Variants in LARGE1 observed in about 807,000 individuals in gnomAD.
LARGE1 encodes xylosyl- and glucuronyltransferase LARGE1.
A neutral mutation model predicts 87.6 loss-of-function variants in LARGE1; 43 were observed. The ratio of observed to expected loss-of-function variants is 0.49; its 90% CI spans 0.38 to 0.63. LARGE1 has a LOEUF of 0.63. Ranked by LOEUF, LARGE1 falls within the 30% of genes least tolerant of loss-of-function variation. The pLI, the probability that LARGE1 is intolerant of heterozygous loss-of-function variation, is 0.00. For synonymous variants in LARGE1, 434 were observed against 394.6 expected (o/e 1.10, Z -1.18); for missense variants, 802 against 1,000.2 (o/e 0.80, Z 2.67).
At chr22:33,217,061 G>A (rs1157723732) in intron 11 of LARGE1, among the ~76,000 whole-genome samples, 2 of 152,184 alleles carry the variant, frequency 1.3e-5, no homozygotes, top group African/African-American at 4.8e-5. Context: ...ACTCTTTCAT[G>A]AAGGCTAATC....
chr22:33,722,902 G>A (rs888437536), intron 2 of LARGE1, among the ~76,000 whole-genome samples: 1 of 152,168 alleles, frequency 6.6e-6, no homozygotes, highest in Non-Finnish European at 1.5e-5. Context: ...AGTTGAGGTC[G>A]GAGCTTGGGG....
At chr22:33,338,376 C>T (rs574875811) in intron 9 of LARGE1, among the ~76,000 whole-genome samples, 2 of 152,164 alleles carry the variant, frequency 1.3e-5, no homozygotes, top group Non-Finnish European at 1.5e-5. Flanking sequence ...GCTGTCCCTA[C>T]TTCTCGGCCC....
intron 6 of LARGE1, among the ~76,000 whole-genome samples, chr22:33,556,516 A>AGGGAGGGAGGG (rs2077681867): frequency 1.5e-4 from 12 of 78,988 alleles, no homozygotes; most frequent in African/African-American, 5.4e-4. Context: ...AGAAGGAAGG[A>AGGGAGGGAGGG]AGGGAGGGAG....
intron 1 of LARGE1, among the ~76,000 whole-genome samples, chr22:33,849,981 G>C (rs2063542563): frequency 6.6e-6 from 1 of 152,186 alleles, no homozygotes; most frequent in Non-Finnish European, 1.5e-5. Flanking sequence ...CAAAGGGATG[G>C]AGAGATTAAA....
At position 33,604,487 on chromosome 22, in the gene LARGE1, G is replaced by C. The variant is rs1203321735; in HGVS notation, c.563C>G (p.Thr188Ser). Residue 188 changes from threonine (T) to serine (S), a missense_variant, in exon 5 of 15, where the codon ACC (threonine) becomes AGC (serine). By Grantham distance (58) the Thr-to-Ser change is moderately conservative. Transcript: ENST00000397394. ...AEQILATLFQTWMVPAVRVDF... is the reference protein window; with the variant it reads ...AEQILATLFQSWMVPAVRVDF... ...CACACGCACAGCGGGCACCATCCAG[G>C]TCTGGAAGAGCGTGGCCAGGATCTG... 1 of 1,614,102 alleles carries C rather than the reference G, an allele frequency of 6.2e-7. No individual in the cohort carries two copies. Among genetic ancestry groups the C allele is most frequent in the African/African-American group, 1.3e-5 (1 of 75,034 alleles).
At position 33,381,952 on chromosome 22, in the gene LARGE1, G is replaced by C. The variant is rs770224674; in HGVS notation, c.1098C>G (p.Ser366=). The C allele has an allele frequency of 9.3e-6, 15 of 1,614,102 alleles. No individual in the cohort carries two copies. Among genetic ancestry groups the C allele is most frequent in the Middle Eastern group, 3.3e-4 (2 of 6,058 alleles). Residue 366 remains serine (S), a synonymous_variant, in exon 9 of 15, where the codon TCC becomes TCG. Transcript: ENST00000397394. ...WNVQLSDHTR[S]EQCYRDVSDL... is the part of the protein sequence containing the mutation. Reference sequence around the variant, plus strand: ...CAGACACGTCTCTGTAGCACTGCTCGGAGCGGGTGTGGTCTGACAGCTGCA... The same window carrying C: ...CAGACACGTCTCTGTAGCACTGCTCCGAGCGGGTGTGGTCTGACAGCTGCA...
intron 1 of LARGE1, among the ~76,000 whole-genome samples, chr22:33,831,822 G>A (rs563229660): frequency 5.9e-5 from 9 of 151,602 alleles, no homozygotes; most frequent in East Asian, 3.9e-4. Context: ...AGAGGATAAC[G>A]TTCAAGCTGC....
At chr22:33,195,643 A>C (rs907461619) in intron 11 of LARGE1, among the ~76,000 whole-genome samples, 15 of 152,196 alleles carry the variant, frequency 9.9e-5, no homozygotes, top group Admixed American at 9.2e-4. Flanking sequence ...AAATGCAAAT[A>C]TATCAAAATC....
intron 11 of LARGE1, among the ~76,000 whole-genome samples, chr22:33,178,137 T>G (rs1004194304): frequency 1.3e-5 from 2 of 152,184 alleles, no homozygotes; most frequent in African/African-American, 2.4e-5. Context: ...GACTAATACA[T>G]CACTTTTATT....
chr22:33,568,470 A>G (rs2078093735), intron 5 of LARGE1, among the ~76,000 whole-genome samples: 1 of 152,166 alleles, frequency 6.6e-6, no homozygotes, highest in Admixed American at 6.5e-5. Context: ...CAACAAAATC[A>G]AAGCACAATG....
At chr22:33,456,876 G>T (rs2068151625) in intron 6 of LARGE1, among the ~76,000 whole-genome samples, 1 of 152,194 alleles carries the variant, frequency 6.6e-6, no homozygotes, top group African/African-American at 2.4e-5. Flanking sequence ...CCTGGACTGG[G>T]AACAGGAGAT....
At chr22:33,696,697 C>G (rs1198385243) in intron 2 of LARGE1, among the ~76,000 whole-genome samples, 2 of 152,154 alleles carry the variant, frequency 1.3e-5, no homozygotes, top group African/African-American at 2.4e-5. Flanking sequence ...TTTAGCCATG[C>G]TGGTGGGTTT....
intron 1 of LARGE1, among the ~76,000 whole-genome samples, chr22:33,838,356 T>C (rs1470100306): frequency 2.0e-5 from 3 of 152,184 alleles, no homozygotes; most frequent in South Asian, 2.1e-4. Flanking sequence ...TTTAAAAAAT[T>C]GGACAGGTGT....
chr22:33,750,798 G>T (rs956387833), intron 2 of LARGE1: 3 of 152,136 alleles, frequency 2.0e-5, no homozygotes, highest in African/African-American at 7.2e-5. Flanking sequence ...GTTTTTATGA[G>T]TAAATTTCAG....
intron 7 of LARGE1, among the ~76,000 whole-genome samples, chr22:33,407,086 C>T (rs2066128640): frequency 6.6e-6 from 1 of 152,204 alleles, no homozygotes; most frequent in Admixed American, 6.5e-5. Flanking sequence ...AGCCACCACG[C>T]CTGGCTGAAA....
chr22:33,278,585 A>ACACACACG (rs1929812409), intron 13 of LARGE1, among the ~76,000 whole-genome samples: 7 of 151,622 alleles, frequency 4.6e-5, no homozygotes, highest in Non-Finnish European at 1.0e-4. Context: ...ACACACACAC[A>ACACACACG]CACGCAGATA....
At chr22:33,912,853 G>C (rs1434242018) in intron 1 of LARGE1, among the ~76,000 whole-genome samples, 1 of 143,074 alleles carries the variant, frequency 7.0e-6, no homozygotes, top group Non-Finnish European at 1.5e-5. Context: ...TTTTTTTTGA[G>C]ACGAAGTCTC....
intron 11 of LARGE1, among the ~76,000 whole-genome samples, chr22:33,194,082 T>C (rs1923940982): frequency 6.6e-6 from 1 of 151,604 alleles, no homozygotes; most frequent in Non-Finnish European, 1.5e-5. Context: ...ATTCATGTCA[T>C]AAATTTTTAT....
chr22:33,634,575 C>T (rs1177826798), intron 3 of LARGE1, among the ~76,000 whole-genome samples: 1 of 151,710 alleles, frequency 6.6e-6, no homozygotes, highest in Admixed American at 6.6e-5. Context: ...CAGCTACCAC[C>T]ACATGTCCCG....
Sources: gnomAD v4.1 joint callset for allele counts (sites outside exome capture counted in the v4.1 genomes callset) on GRCh38, gnomAD v4.1.1 for gene constraint, MANE v1.5 for transcripts, NCBI Gene and HGNC (gene_info 2026-07-23, HGNC 2026-07-21) for gene names.